ABCC9: variants seen among roughly 807,000 people sequenced by gnomAD.
ABCC9 encodes ATP-binding cassette sub-family C member 9.
A neutral mutation model predicts 188.3 loss-of-function variants in ABCC9; 95 were observed. That is an observed-to-expected ratio of 0.50 (90% CI 0.43 to 0.60). ABCC9 has a LOEUF of 0.60. Ranked by LOEUF, ABCC9 falls within the 20% of genes least tolerant of loss-of-function variation. ABCC9 has a pLI of 0.00. For synonymous variants in ABCC9, 659 were observed against 652.7 expected, an observed-to-expected ratio of 1.01 and a Z score of -0.15; for missense variants, 1,102 against 1,876.3, an observed-to-expected ratio of 0.59 and a Z score of 7.62.
intron 31 of ABCC9, 39 bp from the exon 32 acceptor site, chr12:21,818,290 C>T (rs1351918173): frequency 6.5e-7 from 1 of 1,549,082 alleles, no homozygotes; most frequent in African/African-American, 1.4e-5. Context: ...AGGTTACTCC[C>T]AAGTTCTTAA....
intron 26 of ABCC9, 92 bp from the exon 27 acceptor site, chr12:21,845,007 T>C: frequency 6.8e-7 from 1 of 1,478,616 alleles, no homozygotes; most frequent in Admixed American, 1.8e-5. Flanking sequence ...GACAAGATTG[T>C]TTTCTTCATT....
rs560738082 is a variant in ABCC9, at chr12:21,800,892, C to T, written c.*152G>A. ...TATTAAGCAATAATATCTTGAAAAA[C>T]TGTTTTAAAAACAGGAAAAATAAAT... On this transcript the variant is annotated 3_prime_UTR_variant, in exon 40 of 40. Coordinates refer to ENST00000261200, the MANE Select transcript of ABCC9 (RefSeq NM_020297.4). The T allele has an allele frequency of 1.2e-6, 1 of 862,742 alleles. No homozygotes were observed. The highest frequency in any genetic ancestry group is 1.7e-5 in the African/African-American group (1 of 58,764). The allele number at this position is 862,742 out of a possible 1,614,324, so 53.4% of individuals were successfully genotyped here.
rs141591940 is a variant in ABCC9, at chr12:21,907,326, C to G, written c.1455+751G>C. 3.2e-4 allele frequency among the ~76,000 whole-genome samples: 49 copies of G among 152,126 alleles called. No homozygotes were observed. In the East Asian group the frequency reaches 7.7e-3, roughly 24 times the overall value. On this transcript the variant is annotated intron_variant, in intron 11 of 39. Coordinates refer to ENST00000261200, the MANE Select transcript of ABCC9 (RefSeq NM_020297.4). ...AAAAACAAGTGATAAACACCGCTTG[C>G]GTGACATGCAACTCGCTTGTCATAG...
chr12:21,900,312 T>A lies in ABCC9; in HGVS notation c.1619-4997A>T, dbSNP rs569255219. ...TCCACACCAAAACCCCATCTGTACA[T>A]CACCATCATCAAAGACCAAAGGTAG... On this transcript the variant is annotated intron_variant, in intron 12 of 39. Coordinates refer to ENST00000261200, the MANE Select transcript of ABCC9 (RefSeq NM_020297.4). Among the ~76,000 whole-genome samples the A allele has an allele frequency of 5.9e-5, 9 of 152,118 alleles. No individual in the cohort carries two copies. The East Asian group carries it at 1.7e-3, about 29-fold the overall frequency.
chr12:21,858,446 G>T (rs1945338816), intron 22 of ABCC9, among the ~76,000 whole-genome samples: 3 of 151,870 alleles, frequency 2.0e-5, no homozygotes, highest in African/African-American at 7.3e-5. Context: ...AAGTATGGTG[G>T]TATGCACCTG....
intron 39 of ABCC9, chr12:21,805,392 G>C: frequency 7.3e-7 from 1 of 1,368,478 alleles, no homozygotes; most frequent in Non-Finnish European, 1.0e-6. Flanking sequence ...TTTTTATTAA[G>C]CAGTAAGCCT....
At chr12:21,872,872 C>T (rs1454433196) in intron 17 of ABCC9, 142 bp from the exon 18 acceptor site, 1 of 642,378 alleles carries the variant, frequency 1.6e-6, no homozygotes, top group Admixed American at 2.6e-5. Flanking sequence ...TAAACAGCTC[C>T]TTTCTCTGAT....
intron 12 of ABCC9, among the ~76,000 whole-genome samples, chr12:21,905,593 T>C (rs944441592): frequency 6.6e-6 from 1 of 152,202 alleles, no homozygotes; most frequent in Admixed American, 6.5e-5. Context: ...GCGAGATATT[T>C]TGTGGCAAAG....
intron 16 of ABCC9, among the ~76,000 whole-genome samples, chr12:21,881,450 T>C (rs745390315): frequency 6.6e-6 from 1 of 152,024 alleles, no homozygotes; most frequent in Non-Finnish European, 1.5e-5. Context: ...GGAAAAAAAA[T>C]TCATAATAGT....
chr12:21,918,108 A>C (rs1473545968), intron 5 of ABCC9, among the ~76,000 whole-genome samples: 1 of 152,128 alleles, frequency 6.6e-6, no homozygotes, highest in Non-Finnish European at 1.5e-5. Flanking sequence ...AAGTAAGTAG[A>C]TGGGAAAGAT....
At chr12:21,885,846 C>T (rs752071893) in intron 15 of ABCC9, among the ~76,000 whole-genome samples, 5 of 152,028 alleles carry the variant, frequency 3.3e-5, no homozygotes, top group Non-Finnish European at 5.9e-5. Context: ...AATATATAAC[C>T]ACAAGATTGC....
intron 22 of ABCC9, among the ~76,000 whole-genome samples, chr12:21,854,665 A>G (rs1384092360): frequency 1.5e-4 from 23 of 152,250 alleles, no homozygotes; most frequent in Admixed American, 1.5e-3. Flanking sequence ...TTGCTTTTCA[A>G]AATCATCACA....
intron 39 of ABCC9, among the ~76,000 whole-genome samples, chr12:21,802,161 T>TC (rs1941482485): frequency 6.6e-6 from 1 of 152,172 alleles, no homozygotes; most frequent in East Asian, 1.9e-4. Flanking sequence ...TACTTAACAT[T>TC]GTATAGTTCC....
rs186489021 is a variant in ABCC9 at position 21,822,064 on chromosome 12, T to A, written c.3670-3813A>T. On this transcript the variant is annotated intron_variant, in intron 31 of 39. Transcript: ENST00000261200. ...TCAGCAAAAGAAAGGCATAGCTTTT[T>A]GAGGTACATTTTATAGCAAAAATTT... 9.2e-5 allele frequency among the ~76,000 whole-genome samples: 14 copies of A among 152,266 alleles called. No homozygotes were observed. In the East Asian group the frequency reaches 2.7e-3, roughly 29 times the overall value.
intron 14 of ABCC9, among the ~76,000 whole-genome samples, chr12:21,891,737 T>C (rs1381470670): frequency 6.6e-6 from 1 of 152,156 alleles, no homozygotes; most frequent in Non-Finnish European, 1.5e-5. Flanking sequence ...CTAAATGTAT[T>C]TAAGATTGCA....
intron 2 of ABCC9, among the ~76,000 whole-genome samples, chr12:21,940,271 G>A (rs1949639964): frequency 6.6e-6 from 1 of 152,154 alleles, no homozygotes; most frequent in Non-Finnish European, 1.5e-5. Flanking sequence ...CATATAAAAG[G>A]ATTCATTCTT....
intron 39 of ABCC9, 35 bp downstream of exon 39, chr12:21,805,963 A>T (rs1941808998): frequency 1.2e-6 from 2 of 1,603,940 alleles, no homozygotes; most frequent in African/African-American, 2.7e-5. Context: ...AACAAAAACC[A>T]AAGAGGTATA....
chr12:21,910,317 C>CAAAAAA lies in ABCC9; in HGVS notation c.1165-11_1165-6dup. ...GATTTTATTATAAATCATGGCCTAC[C>CAAAAAA]AAAAAAAAAAAAAAGAGTACATAAA... is the stretch of plus-strand genomic sequence containing the variant. On this transcript the variant is annotated splice_region_variant and splice_polypyrimidine_tract_variant and intron_variant, in intron 9 of 39. Transcript: ENST00000261200. The CAAAAAA allele has an allele frequency of 1.4e-6, 2 of 1,389,114 alleles. No homozygotes were observed. Among genetic ancestry groups the CAAAAAA allele is most frequent in the Admixed American group, 2.2e-5 (1 of 44,866 alleles). 86.0% of individuals were successfully genotyped at this position (1,389,114 alleles called of 1,614,324 possible).
At position 21,813,036 on chromosome 12, in the gene ABCC9, C is replaced by T. The variant is rs555298805; in HGVS notation, c.4103-879G>A. Among the ~76,000 whole-genome samples, 16 of 152,194 alleles carry T rather than the reference C, an allele frequency of 1.1e-4. No individual in the cohort carries two copies. The South Asian group carries it at 3.3e-3, about 32-fold the overall frequency. On this transcript the variant is annotated intron_variant, in intron 35 of 39. Transcript: ENST00000261200. ...CCTTTATCCTCCTCACTTTATTTCT[C>T]TCTATGGGATTTATCAGAATCTGAT...
Sources: gnomAD v4.1 joint callset for allele counts (sites outside exome capture counted in the v4.1 genomes callset) on GRCh38, gnomAD v4.1.1 for gene constraint, MANE v1.5 for transcripts, NCBI Gene and HGNC (gene_info 2026-07-23, HGNC 2026-07-21) for gene names.